Variants in GSE1 observed in about 807,000 individuals in gnomAD.
The protein encoded by GSE1 is Gse1 coiled-coil protein.
GSE1 carries 32 observed loss-of-function variants against 112.6 expected under a neutral mutation model. The ratio of observed to expected loss-of-function variants is 0.28; its 90% CI spans 0.21 to 0.38. GSE1 has a LOEUF of 0.38. GSE1 is among the 10% of genes least tolerant of loss of function. The pLI is 1.00. For missense variants in GSE1, 2,348 were observed against 1,699.2 expected, an observed-to-expected ratio of 1.38 and a Z score of -6.71; for synonymous variants, 1,115 against 735.6, an observed-to-expected ratio of 1.52 and a Z score of -8.35.
chr16:85,587,183 G>C (rs116273490), intron 1 of GSE1, among the ~76,000 whole-genome samples: 1 of 149,054 alleles, frequency 6.7e-6, no homozygotes, highest in Non-Finnish European at 1.5e-5. Flanking sequence ...CCCCCCCCCA[G>C]ACCAGACCCC....
At chr16:85,587,876 A>T (rs1357946012) in intron 1 of GSE1, among the ~76,000 whole-genome samples, 1 of 152,022 alleles carries the variant, frequency 6.6e-6, no homozygotes, top group Non-Finnish European at 1.5e-5. Context: ...CTGGACGGTG[A>T]AAGAGTTAAG....
chr16:85,514,509 C>T (rs973477068), intron 2 of GSE1, among the ~76,000 whole-genome samples: 1 of 148,816 alleles, frequency 6.7e-6, no homozygotes, highest in Non-Finnish European at 1.5e-5. Flanking sequence ...AGGTGGCGGG[C>T]TTGGCTGTGT....
intron 1 of GSE1, among the ~76,000 whole-genome samples, chr16:85,328,910 C>A (rs1343099949): frequency 1.3e-5 from 2 of 152,224 alleles, no homozygotes; most frequent in African/African-American, 4.8e-5. Context: ...GCCCCCGCAG[C>A]CTGGCAGAGG....
chr16:85,458,266 C>T (rs137940586), intron 2 of GSE1, among the ~76,000 whole-genome samples: 35 of 152,360 alleles, frequency 2.3e-4, no homozygotes, highest in Middle Eastern at 6.8e-3. Context: ...GCAGACAGTC[C>T]TGCCCTCAAG....
At chr16:85,520,197 G>T (rs2052133672) in intron 2 of GSE1, among the ~76,000 whole-genome samples, 1 of 152,144 alleles carries the variant, frequency 6.6e-6, no homozygotes, top group African/African-American at 2.4e-5. Flanking sequence ...CCCTCTCGCT[G>T]TATCCTCACA....
At chr16:85,231,837 A>T (rs377644841) in intron 1 of GSE1, among the ~76,000 whole-genome samples, 6 of 152,354 alleles carry the variant, frequency 3.9e-5, no homozygotes, top group East Asian at 1.9e-4. Flanking sequence ...ATGCCTGGTT[A>T]TCTGAAAAAA....
intron 2 of GSE1, among the ~76,000 whole-genome samples, chr16:85,548,144 A>T (rs2151226391): frequency 6.6e-6 from 1 of 150,890 alleles, no homozygotes; most frequent in Middle Eastern, 3.4e-3. Flanking sequence ...CAGGAGAATC[A>T]CTTGAACCAG....
At position 85,664,927 on chromosome 16, in the gene GSE1, C is replaced by T. The variant is rs922619686; in HGVS notation, c.2645-88C>T. 8.1e-5 allele frequency: 71 copies of T among 872,258 alleles called. No homozygotes were observed. In the African/African-American group the frequency reaches 1.0e-3, roughly 13 times the overall value. The allele number at this position is 872,258 out of a possible 1,614,324, so 54.0% of individuals were successfully genotyped here. A position where few individuals can be genotyped will look rare whatever the true frequency, so the allele number is the denominator to read the frequency against. On this transcript the variant is annotated intron_variant, in intron 11 of 15. Transcript: ENST00000253458. ...TTTTCGGGCTTTAGTGCTTTGCCTG[C>T]CCCTCAAGGCTCGGCTAGAATCCCG...
intron 2 of GSE1, among the ~76,000 whole-genome samples, chr16:85,457,976 T>A (rs1051979971): frequency 6.6e-6 from 1 of 152,164 alleles, no homozygotes; most frequent in Admixed American, 6.5e-5. Flanking sequence ...AAGTAGCTAT[T>A]ATTGACCCCA....
At chr16:85,171,173 C>G in exon 1 of GSE1, 1 of 985,640 alleles carries the variant, frequency 1.0e-6, no homozygotes, top group Non-Finnish European at 1.2e-6. Context: ...CTGTACCGGG[C>G]CTGCCAGAAC....
chr16:85,356,828 A>G (rs2151570620), intron 1 of GSE1, among the ~76,000 whole-genome samples: 1 of 152,206 alleles, frequency 6.6e-6, no homozygotes, highest in Non-Finnish European at 1.5e-5. Context: ...AAGGCACTCC[A>G]GTTGCTCAGA....
chr16:85,545,341 A>G (rs1226280412), intron 2 of GSE1, among the ~76,000 whole-genome samples: 2 of 152,260 alleles, frequency 1.3e-5, no homozygotes, highest in Non-Finnish European at 2.9e-5. Flanking sequence ...AGCTTGCTCC[A>G]GGGGCAGCCC....
At chr16:85,400,727 T>C (rs1279210375) in intron 2 of GSE1, among the ~76,000 whole-genome samples, 1 of 151,744 alleles carries the variant, frequency 6.6e-6, no homozygotes, top group Non-Finnish European at 1.5e-5. Context: ...TGTCTCTGTG[T>C]GGTGTGTCTC....
chr16:85,613,166 C>T, upstream of GSE1: 11 of 1,374,440 alleles, frequency 8.0e-6, no homozygotes, highest in Non-Finnish European at 1.0e-5. Context: ...GGTCAGGGAG[C>T]CGGGAGCGAG....
intron 2 of GSE1, among the ~76,000 whole-genome samples, chr16:85,429,919 C>T (rs1309947856): frequency 1.3e-5 from 2 of 152,240 alleles, no homozygotes; most frequent in East Asian, 3.8e-4. Context: ...TCAGCTCCAC[C>T]AGTGACCTGT....
intron 1 of GSE1, among the ~76,000 whole-genome samples, chr16:85,221,350 C>T (rs575701224): frequency 6.6e-6 from 1 of 152,004 alleles, no homozygotes; most frequent in African/African-American, 2.4e-5. Context: ...AGTACATGCA[C>T]ACACACACAC....
At chr16:85,439,253 G>C (rs1459280670) in intron 2 of GSE1, among the ~76,000 whole-genome samples, 1 of 152,270 alleles carries the variant, frequency 6.6e-6, no homozygotes, top group African/African-American at 2.4e-5. Context: ...ACAGGGGTTA[G>C]GACAGCCAGG....
intron 2 of GSE1, among the ~76,000 whole-genome samples, chr16:85,538,551 G>C (rs1368055453): frequency 3.3e-5 from 5 of 152,174 alleles, no homozygotes; most frequent in Admixed American, 3.3e-4. Flanking sequence ...TGTAGCCAGG[G>C]AGCTTGACAA....
intron 2 of GSE1, among the ~76,000 whole-genome samples, chr16:85,391,995 T>A (rs528088340): frequency 6.6e-6 from 1 of 152,178 alleles, no homozygotes; most frequent in Admixed American, 6.5e-5. Context: ...CTCCCCATCG[T>A]CCTTGTCCTT....
Sources: gnomAD v4.1 joint callset for allele counts (sites outside exome capture counted in the v4.1 genomes callset) on GRCh38, gnomAD v4.1.1 for gene constraint, MANE v1.5 for transcripts, NCBI Gene and HGNC (gene_info 2026-07-23, HGNC 2026-07-21) for gene names.